SBSPON: variants seen among roughly 807,000 people sequenced by gnomAD.
SBSPON encodes the protein somatomedin B and thrombospondin type 1 domain containing.
Under a neutral mutation model 35.8 loss-of-function variants are expected in SBSPON, and 30 were observed. The observed-to-expected ratio is 0.84, with a 90% CI of 0.63 to 1.14. The LOEUF (loss-of-function observed/expected upper bound fraction) is 1.14, where lower values mean the gene tolerates loss of function less well. Among genes scored for constraint, SBSPON ranks in the 50% most tolerant of loss-of-function variants. The pLI is 0.00. For missense variants in SBSPON, 364 were observed against 357.7 expected, an observed-to-expected ratio of 1.02 and a Z score of -0.14; for synonymous variants, 136 against 135.9, an observed-to-expected ratio of 1.00 and a Z score of 0.00.
At position 73,067,103 on chromosome 8, in the gene SBSPON, A is replaced by C; in HGVS notation, c.*238T>G. ...TGCTGAATGAGAGGACTCCAGTTGA[A>C]AGGTCAAGAACATAAAACCACAAGA... On this transcript the variant is annotated 3_prime_UTR_variant, in exon 5 of 5. Transcript: ENST00000297354. The C allele has an allele frequency of 2.8e-6, 1 of 359,302 alleles. No individual in the cohort carries two copies. The highest frequency in any genetic ancestry group is 5.8e-5 in the South Asian group (1 of 17,196). 22.3% of individuals were successfully genotyped at this position (359,302 alleles called of 1,614,324 possible).
chr8:73,092,181 A>G (rs1205002075), intron 1 of SBSPON, among the ~76,000 whole-genome samples: 2 of 152,226 alleles, frequency 1.3e-5, no homozygotes, highest in Non-Finnish European at 2.9e-5. Context: ...AAAACCAGCA[A>G]GATTACAACA....
chr8:73,067,396 A>G lies in SBSPON; in HGVS notation c.740T>C (p.Val247Ala). The change falls in exon 5 of 5, where the codon GTT becomes GCT. Residue 247 changes from valine to alanine, a missense_variant. Coordinates refer to ENST00000297354, the MANE Select transcript of SBSPON (RefSeq NM_153225.4). Reference sequence around the variant, plus strand: ...ACAAGAACACTGGTCTACTCGCCGAACTTTTTTCCAAGTTCCTTGACACCG... The same window carrying G: ...ACAAGAACACTGGTCTACTCGCCGAGCTTTTTTCCAAGTTCCTTGACACCG... ...NPRCQGTWKK[V>A]RRVDQCSCPA... The G allele has an allele frequency of 6.2e-7, 1 of 1,612,546 alleles. No homozygotes were observed. Among genetic ancestry groups the G allele is most frequent in the Non-Finnish European group, 8.5e-7 (1 of 1,179,052 alleles).
At chr8:73,080,395 G>A (rs1316232825) in intron 2 of SBSPON, among the ~76,000 whole-genome samples, 1 of 151,838 alleles carries the variant, frequency 6.6e-6, no homozygotes, top group Non-Finnish European at 1.5e-5. Flanking sequence ...GGCGCCTGTA[G>A]TCCCAGCTAC....
chr8:73,092,826 G>A, intron 1 of SBSPON, 28 bp downstream of exon 1: 1 of 1,578,448 alleles, frequency 6.3e-7, no homozygotes, highest in South Asian at 1.1e-5. Flanking sequence ...CTAACGGCCG[G>A]CGCCCCACTC....
intron 4 of SBSPON, among the ~76,000 whole-genome samples, chr8:73,068,018 C>T (rs989065313): frequency 6.6e-6 from 1 of 152,058 alleles, no homozygotes; most frequent in Non-Finnish European, 1.5e-5. Flanking sequence ...AGGAAAATGG[C>T]TGACTGTTCT....
chr8:73,072,941 T>A (rs1004252389), intron 2 of SBSPON, among the ~76,000 whole-genome samples: 1 of 152,100 alleles, frequency 6.6e-6, no homozygotes, highest in Non-Finnish European at 1.5e-5. Context: ...GAATCCTTCC[T>A]CCTGTCTCTG....
At chr8:73,089,799 G>A (rs1810898134) in intron 1 of SBSPON, among the ~76,000 whole-genome samples, 1 of 152,130 alleles carries the variant, frequency 6.6e-6, no homozygotes, top group Non-Finnish European at 1.5e-5. Context: ...CACATGCCAG[G>A]TGCAGTGCTC....
At chr8:73,081,471 A>G (rs538977727) in intron 1 of SBSPON, among the ~76,000 whole-genome samples, 37 of 152,172 alleles carry the variant, frequency 2.4e-4, no homozygotes, top group Non-Finnish European at 4.9e-4. Flanking sequence ...GGTCTGATCC[A>G]GGGAAACACA....
intron 1 of SBSPON, among the ~76,000 whole-genome samples, chr8:73,082,133 T>G (rs1810718950): frequency 6.6e-6 from 1 of 152,210 alleles, no homozygotes. Flanking sequence ...AAGATGTAAT[T>G]TAAAAATGCA....
At chr8:73,080,407 C>T (rs1286324608) in intron 2 of SBSPON, among the ~76,000 whole-genome samples, 8 of 151,794 alleles carry the variant, frequency 5.3e-5, no homozygotes, top group South Asian at 4.2e-4. Flanking sequence ...CCCAGCTACT[C>T]GGGAGGCTGA....
intron 2 of SBSPON, chr8:73,075,881 C>T (rs1810585574): frequency 4.1e-6 from 1 of 241,910 alleles, no homozygotes; most frequent in Non-Finnish European, 6.7e-6. Context: ...ATGTGCAACA[C>T]ATTCAGTAAT....
chr8:73,072,199 TAGAG>T (rs59965533), intron 2 of SBSPON, among the ~76,000 whole-genome samples: 3,039 of 149,286 alleles, frequency 0.02, 55 homozygotes, highest in South Asian at 0.053. Flanking sequence ...AGTGAGATAA[TAGAG>T]AGCATGAAGA....
intron 2 of SBSPON, among the ~76,000 whole-genome samples, chr8:73,072,799 G>A (rs1413484247): frequency 6.6e-6 from 1 of 152,122 alleles, no homozygotes; most frequent in Non-Finnish European, 1.5e-5. Flanking sequence ...CCCAGTGCCA[G>A]CCTGCACAGC....
At chr8:73,074,778 G>A (rs542047911) in intron 2 of SBSPON, among the ~76,000 whole-genome samples, 1 of 152,350 alleles carries the variant, frequency 6.6e-6, no homozygotes, top group East Asian at 1.9e-4. Flanking sequence ...GAGGTAAGGA[G>A]GCCAGGGAGG....
At chr8:73,081,247 T>C in intron 1 of SBSPON, 34 bp from the exon 2 acceptor site, 1 of 1,504,406 alleles carries the variant, frequency 6.6e-7, no homozygotes, top group Non-Finnish European at 9.0e-7. Flanking sequence ...CTCACCTGAG[T>C]AAATCCCGCC....
chr8:73,092,820 C>T (rs201500626), intron 1 of SBSPON, 34 bp downstream of exon 1: 143 of 1,559,876 alleles, frequency 9.2e-5, no homozygotes, highest in African/African-American at 7.4e-4. Flanking sequence ...TGCAGGCTAA[C>T]GGCCGGCGCC....
At chr8:73,074,748 A>G (rs1235907952) in intron 2 of SBSPON, among the ~76,000 whole-genome samples, 9 of 152,206 alleles carry the variant, frequency 5.9e-5, no homozygotes, top group Non-Finnish European at 1.5e-5. Context: ...TTGTATCTGG[A>G]GTCACCTCAG....
Position 73,067,447 on chromosome 8 carries a change from A to C in SBSPON, c.689T>G (p.Leu230Arg). ...AGGATTACCAATTGCTTGCCAATGG[A>C]GAGTCTGATTTCTGAAACGATATTT... is the stretch of plus-strand genomic sequence containing the variant. ...DGLDSDGNQT[L>R]HWQAIGNPRC... Residue 230 changes from leucine (L) to arginine (R), a missense_variant, in exon 5 of 5, where the codon CTC (leucine) becomes CGC (arginine). Leu to Arg is a moderately radical substitution (Grantham distance 102). Transcript: ENST00000297354. The C allele has an allele frequency of 6.2e-7, 1 of 1,601,130 alleles. No individual in the cohort carries two copies. The highest frequency in any genetic ancestry group is 8.6e-7 in the Non-Finnish European group (1 of 1,169,206).
chr8:73,064,959 TAA>T lies in SBSPON; in HGVS notation c.*2380_*2381del, dbSNP rs1388776884. ...AGGGCCCTAAGACTAAGGTACTTAT[TAA>T]AAAAGAGTGCCAAGAGGTCTTATAT... On this transcript the variant is annotated 3_prime_UTR_variant, in exon 5 of 5. Transcript: ENST00000297354. 6.6e-6 allele frequency: 1 copy of T among 152,150 alleles called. No homozygotes were observed. Among genetic ancestry groups the T allele is most frequent in the East Asian group, 1.9e-4 (1 of 5,196 alleles). 9.4% of individuals were successfully genotyped at this position (152,150 alleles called of 1,614,324 possible).
Sources: gnomAD v4.1 joint callset for allele counts (sites outside exome capture counted in the v4.1 genomes callset) on GRCh38, gnomAD v4.1.1 for gene constraint, MANE v1.5 for transcripts, NCBI Gene and HGNC (gene_info 2026-07-23, HGNC 2026-07-21) for gene names.